The following IL17B variants were observed in gnomAD, a reference collection of about 807,000 sequenced individuals.
IL17B encodes interleukin-17B.
In IL17B, 14 loss-of-function variants were observed where a neutral mutation model predicts 14.7. That is an observed-to-expected ratio of 0.95 (90% CI 0.63 to 1.49). IL17B has a LOEUF of 1.49. Among genes scored for constraint, IL17B ranks in the 40% most tolerant of loss-of-function variants. The probability of loss-of-function intolerance (pLI) is 0.00; values close to 1 mark genes in which losing one functional copy is unlikely to be tolerated. For synonymous variants in IL17B, 105 were observed against 94.8 expected, an observed-to-expected ratio of 1.11 and a Z score of -0.62; for missense variants, 233 against 252.8, an observed-to-expected ratio of 0.92 and a Z score of 0.53.
chr5:149,391,521 G>A (rs1192338059), intron 1 of IL17B, among the ~76,000 whole-genome samples: 1 of 152,170 alleles, frequency 6.6e-6, no homozygotes, highest in East Asian at 1.9e-4. Flanking sequence ...AGTTTTAGGG[G>A]GCTTAAGTTT....
At chr5:149,392,109 T>C (rs1399957919) in intron 1 of IL17B, among the ~76,000 whole-genome samples, 2 of 152,188 alleles carry the variant, frequency 1.3e-5, no homozygotes, top group African/African-American at 4.8e-5. Context: ...GATAGAGTAA[T>C]ATCTATGAGA....
chr5:149,402,606 T>C (rs1356042303), intron 1 of IL17B, among the ~76,000 whole-genome samples: 1 of 151,100 alleles, frequency 6.6e-6, no homozygotes, highest in Non-Finnish European at 1.5e-5. Context: ...CTCTCACACT[T>C]ACCCTCTCCT....
Position 149,374,284 on chromosome 5 carries a change from T to G in IL17B, c.*85A>C. ...CCAAAGTCTTGCTTTCAAAAGTCAG[T>G]GTTTACTTTTCATAGGCCTTTCTTG... On this transcript the variant is annotated 3_prime_UTR_variant, in exon 3 of 3. Transcript: ENST00000261796. This position sits in a 1 kb window ranked among gnomAD's most constrained non-coding sequence, Gnocchi z 5.0. 1 of 1,285,714 alleles carries G rather than the reference T, an allele frequency of 7.8e-7. No homozygotes were observed. The highest frequency in any genetic ancestry group is 1.1e-6 in the Non-Finnish European group (1 of 950,234). The allele number at this position is 1,285,714 out of a possible 1,614,324, so 79.6% of individuals were successfully genotyped here.
chr5:149,399,415 A>G (rs1452045766), intron 1 of IL17B, among the ~76,000 whole-genome samples: 2 of 152,230 alleles, frequency 1.3e-5, no homozygotes, highest in East Asian at 3.8e-4. Context: ...ACAATTGCAC[A>G]CAATACTCTG....
intron 1 of IL17B, among the ~76,000 whole-genome samples, chr5:149,391,916 C>T (rs1370824942): frequency 1.3e-5 from 2 of 152,178 alleles, no homozygotes. Context: ...GTTCCCAGGC[C>T]TCCTCCTTCA....
At chr5:149,376,679 G>A (rs1561709887) in intron 2 of IL17B, 57 bp downstream of exon 2, 1 of 1,539,636 alleles carries the variant, frequency 6.5e-7, no homozygotes, top group South Asian at 1.3e-5. Context: ...ACAATGACTG[G>A]GGCACAGGAA....
Position 149,376,757 on chromosome 5 carries a change from C to T in IL17B, c.290G>A (p.Ser97Asn), listed in dbSNP as rs1758552339. The T allele has an allele frequency of 1.9e-6, 3 of 1,610,804 alleles. No homozygotes were observed. The highest frequency in any genetic ancestry group is 1.3e-5 in the African/African-American group (1 of 74,904). Residue 97 changes from serine (S) to asparagine (N), a missense_variant, in exon 2 of 3, where the codon AGC becomes AAC. Transcript: ENST00000261796. Reference sequence around the variant, plus strand: ...CTACCTGTAGCCCCAGGGAGACAGGCTCCTCTTGTTGGACATCCACAGCTG... The same window carrying T: ...CTACCTGTAGCCCCAGGGAGACAGGTTCCTCTTGTTGGACATCCACAGCTG... ...NLQLWMSNKR[S>N]LSPWGYSINH...
chr5:149,396,852 C>T (rs1424787774), intron 1 of IL17B, among the ~76,000 whole-genome samples: 2 of 152,142 alleles, frequency 1.3e-5, no homozygotes, highest in African/African-American at 2.4e-5. Flanking sequence ...CAGCAAGTGC[C>T]TTTGGTTCAG....
chr5:149,384,698 T>A (rs1191224218), intron 1 of IL17B, among the ~76,000 whole-genome samples: 3 of 152,274 alleles, frequency 2.0e-5, no homozygotes, highest in East Asian at 3.9e-4. Context: ...TTGTATGCAT[T>A]GTCCTTAGTT....
chr5:149,377,418 G>C lies in IL17B; in HGVS notation c.22-393C>G, dbSNP rs116989021. 1.7e-4 allele frequency among the ~76,000 whole-genome samples: 26 copies of C among 152,280 alleles called. No homozygotes were observed. In the East Asian group the frequency reaches 5.0e-3, roughly 29 times the overall value. On this transcript the variant is annotated intron_variant, in intron 1 of 2. Transcript: ENST00000261796. ...CCTCTTGCATGACTTCAATCTTAAAGTTTGTGTATACAATTCTTTTATGTG... is the reference window on the plus strand; with the variant it reads ...CCTCTTGCATGACTTCAATCTTAAACTTTGTGTATACAATTCTTTTATGTG...
Position 149,388,009 on chromosome 5 carries a change from C to A in IL17B, n.96-10984G>T, listed in dbSNP as rs1758861262. On this transcript the variant is annotated intron_variant and non_coding_transcript_variant, in intron 1 of 2. Transcript: ENST00000505432. ...TAGGGAAAGTGAATGAGCACTGGAACCAGCAGCAGTTAGAGGTGGGTGCCT... is the reference window on the plus strand; with the variant it reads ...TAGGGAAAGTGAATGAGCACTGGAAACAGCAGCAGTTAGAGGTGGGTGCCT... 2.0e-5 allele frequency among the ~76,000 whole-genome samples: 3 copies of A among 152,172 alleles called. No individual in the cohort carries two copies. In the South Asian group the frequency reaches 6.2e-4, roughly 32 times the overall value.
At chr5:149,387,655 T>A (rs1447038099) in intron 1 of IL17B, among the ~76,000 whole-genome samples, 1 of 150,814 alleles carries the variant, frequency 6.6e-6, no homozygotes, top group East Asian at 2.0e-4. Flanking sequence ...GCATCTGTAG[T>A]CCCAGCTACT....
chr5:149,401,083 C>T (rs1759196873), intron 1 of IL17B, among the ~76,000 whole-genome samples: 1 of 152,248 alleles, frequency 6.6e-6, no homozygotes, highest in African/African-American at 2.4e-5. Flanking sequence ...CAAATTGATA[C>T]ATAAAATTAA....
chr5:149,376,704 C>A (rs778274262), intron 2 of IL17B, 32 bp downstream of exon 2: 9 of 1,572,352 alleles, frequency 5.7e-6, no homozygotes, highest in African/African-American at 1.4e-5. Context: ...CCCCACCCCC[C>A]AAAGACAGCT....
At chr5:149,400,233 C>A (rs1267169877) in intron 1 of IL17B, among the ~76,000 whole-genome samples, 1 of 151,974 alleles carries the variant, frequency 6.6e-6, no homozygotes, top group Non-Finnish European at 1.5e-5. Flanking sequence ...TTGGAAACAG[C>A]ACACACAGGG....
chr5:149,386,292 G>T (rs1758827289), intron 1 of IL17B, among the ~76,000 whole-genome samples: 1 of 152,212 alleles, frequency 6.6e-6, no homozygotes, highest in Non-Finnish European at 1.5e-5. Context: ...GGAGCTTGGG[G>T]CTGGCTTGCG....
intron 1 of IL17B, among the ~76,000 whole-genome samples, chr5:149,397,884 C>T (rs1759122478): frequency 6.6e-6 from 1 of 152,178 alleles, no homozygotes; most frequent in Admixed American, 6.5e-5. Flanking sequence ...AAAGTCTGTC[C>T]CAGCTCTCAG....
intron 1 of IL17B, among the ~76,000 whole-genome samples, chr5:149,388,451 C>T (rs1758870513): frequency 6.6e-6 from 1 of 152,196 alleles, no homozygotes; most frequent in East Asian, 1.9e-4. Context: ...TCATCAGGAT[C>T]ATTGTGCTGG....
At chr5:149,397,758 C>G (rs1759120608) in intron 1 of IL17B, among the ~76,000 whole-genome samples, 1 of 152,048 alleles carries the variant, frequency 6.6e-6, no homozygotes, top group Non-Finnish European at 1.5e-5. Flanking sequence ...AGCTGGAGAC[C>G]CTGGGAGGCT....
Sources: allele counts gnomAD v4.1 joint callset (sites outside exome capture counted in the v4.1 genomes callset), GRCh38; gene constraint gnomAD v4.1.1; non-coding constraint Gnocchi (gnomAD v3.1); transcripts MANE v1.5; gene names NCBI Gene and HGNC (gene_info 2026-07-23, HGNC 2026-07-21).